SRGAP1: variants seen among roughly 807,000 people sequenced by gnomAD.
SRGAP1 encodes SLIT-ROBO Rho GTPase activating protein 1.
Under a neutral mutation model 121.9 loss-of-function variants are expected in SRGAP1, and 43 were observed. That is an observed-to-expected ratio of 0.35 (90% CI 0.28 to 0.46). The LOEUF is 0.46. SRGAP1 is among the 20% of genes least tolerant of loss of function. The probability of loss-of-function intolerance (pLI) is 1.00; values close to 1 mark genes in which losing one functional copy is unlikely to be tolerated. For missense variants in SRGAP1, 1,102 were observed against 1,350.9 expected, an observed-to-expected ratio of 0.82 and a Z score of 2.89; for synonymous variants, 447 against 485.4, an observed-to-expected ratio of 0.92 and a Z score of 1.04.
At chr12:63,874,888 C>T (rs751972961) in intron 1 of SRGAP1, among the ~76,000 whole-genome samples, 5 of 151,748 alleles carry the variant, frequency 3.3e-5, no homozygotes, top group Non-Finnish European at 7.4e-5. Flanking sequence ...TAATGTTTGT[C>T]CTCTATCCTC....
intron 1 of SRGAP1, among the ~76,000 whole-genome samples, chr12:63,950,421 GC>G: frequency 6.6e-6 from 1 of 152,218 alleles, no homozygotes; most frequent in South Asian, 2.1e-4. Flanking sequence ...AATACCACAA[GC>G]TTTTTGTGCT....
intron 1 of SRGAP1, among the ~76,000 whole-genome samples, chr12:63,855,711 A>T (rs1367792673): frequency 6.7e-6 from 1 of 149,274 alleles, no homozygotes. Context: ...CTGGTCTTGA[A>T]CTCCTGGGCT....
In SRGAP1 at chr12:64,095,108, T is replaced by C. The variant is rs769515828; in HGVS notation, c.1601-19T>C. ...AATGTGATGGGGGTTTTATCCTCTT[T>C]CCCTTCTTTTCTCTTTAGGTCTTCA... On this transcript the variant is annotated intron_variant, in intron 13 of 21. Coordinates refer to ENST00000355086, the MANE Select transcript of SRGAP1 (RefSeq NM_020762.4). 3 of 1,613,608 alleles carry C rather than the reference T, an allele frequency of 1.9e-6. No homozygotes were observed. Among genetic ancestry groups the C allele is most frequent in the South Asian group, 2.2e-5 (2 of 91,058 alleles).
chr12:63,889,578 A>T (rs1048064158), intron 1 of SRGAP1, among the ~76,000 whole-genome samples: 2 of 152,154 alleles, frequency 1.3e-5, no homozygotes, highest in African/African-American at 4.8e-5. Context: ...AATAGAGTTG[A>T]TGCTACAGAG....
Position 64,042,886 on chromosome 12 carries a change from T to G in SRGAP1, c.586T>G (p.Ser196Ala), listed in dbSNP as rs2035052473. ...EKQEEKQIGRSGDPVFHIRLE... is the reference protein window; with the variant it reads ...EKQEEKQIGRAGDPVFHIRLE... ...ACAAGAGGAAAAGCAAATTGGGAGATCTGGTGATCCAGTCTTCCATATTCG... is the reference window on the plus strand; with the variant it reads ...ACAAGAGGAAAAGCAAATTGGGAGAGCTGGTGATCCAGTCTTCCATATTCG... The change falls in exon 5 of 22, where the codon TCT becomes GCT. Residue 196 changes from serine to alanine, a missense_variant. This residue lies in a region of SRGAP1 where 747 missense variants were observed against 929.4 expected (regional missense o/e 0.80). Coordinates refer to ENST00000355086, the MANE Select transcript of SRGAP1 (RefSeq NM_020762.4). The G allele has an allele frequency of 4.3e-6, 7 of 1,613,546 alleles. No homozygotes were observed. Among genetic ancestry groups the G allele is most frequent in the Non-Finnish European group, 5.9e-6 (7 of 1,179,628 alleles).
chr12:64,051,642 G>A (rs2035241280), intron 6 of SRGAP1, among the ~76,000 whole-genome samples: 3 of 152,124 alleles, frequency 2.0e-5, no homozygotes, highest in Admixed American at 1.3e-4. Context: ...AGACAAGTTT[G>A]TCTTTTCTAT....
At chr12:63,940,869 T>C (rs2031841188) in intron 1 of SRGAP1, among the ~76,000 whole-genome samples, 2 of 152,160 alleles carry the variant, frequency 1.3e-5, no homozygotes, top group South Asian at 2.1e-4. Flanking sequence ...ATCATCGGCA[T>C]ATGGACAGTG....
chr12:63,957,681 A>G (rs1428600126), intron 1 of SRGAP1, among the ~76,000 whole-genome samples: 2 of 152,140 alleles, frequency 1.3e-5, no homozygotes, highest in Admixed American at 6.5e-5. Context: ...GAGAGAGCAT[A>G]TGGGTGTGAG....
rs1329239947 is a variant in SRGAP1 at position 64,150,954 on chromosome 12, A to C, written c.*8282A>C. 1 of 147,514 alleles carries C rather than the reference A, an allele frequency of 6.8e-6. No individual in the cohort carries two copies. The highest frequency in any genetic ancestry group is 1.5e-5 in the Non-Finnish European group (1 of 66,900). The allele number at this position is 147,514 out of a possible 1,614,324, so 9.1% of individuals were successfully genotyped here. A position where few individuals can be genotyped will look rare whatever the true frequency, so the allele number is the denominator to read the frequency against. ...TATCTCAAAAAAAAAAAAAAAAAAA[A>C]AAAAAACATGGTCAAGATTTGTAAT... On this transcript the variant is annotated 3_prime_UTR_variant, in exon 22 of 22. Coordinates refer to ENST00000355086, the MANE Select transcript of SRGAP1 (RefSeq NM_020762.4).
At chr12:63,970,569 A>G (rs139911560) in intron 1 of SRGAP1, among the ~76,000 whole-genome samples, 11 of 152,296 alleles carry the variant, frequency 7.2e-5, no homozygotes, top group African/African-American at 2.6e-4. Flanking sequence ...TGAATAGACC[A>G]TAAAACAAAT....
At chr12:63,916,032 CTTTT>C (rs140042368) in intron 1 of SRGAP1, among the ~76,000 whole-genome samples, 38 of 125,174 alleles carry the variant, frequency 3.0e-4, no homozygotes, top group Admixed American at 3.6e-4. Flanking sequence ...CTTTTCTTTT[CTTTT>C]TTTTTTTTTT....
chr12:63,968,044 A>G (rs1326737476), intron 1 of SRGAP1, among the ~76,000 whole-genome samples: 2 of 152,202 alleles, frequency 1.3e-5, no homozygotes, highest in Non-Finnish European at 2.9e-5. Context: ...TTACAAATAC[A>G]TTTACTTAAG....
At chr12:64,131,761 G>C (rs2036788113) in intron 21 of SRGAP1, among the ~76,000 whole-genome samples, 1 of 152,306 alleles carries the variant, frequency 6.6e-6, no homozygotes. Context: ...TTTATGGCTA[G>C]ATGTGTCAGA....
rs770727289 is a variant in SRGAP1, at chr12:64,152,176, TC to T, written c.*9506del. On this transcript the variant is annotated 3_prime_UTR_variant, in exon 22 of 22. Coordinates refer to ENST00000355086, the MANE Select transcript of SRGAP1 (RefSeq NM_020762.4). ...AGCCAACATGTATTGAGTACCAGAC[TC>T]CATGCTACAAATGTTAACCCTCATA... 5.3e-5 allele frequency: 8 copies of T among 152,216 alleles called. No homozygotes were observed. The highest frequency in any genetic ancestry group is 2.9e-5 in the Non-Finnish European group (2 of 68,052). 9.4% of individuals were successfully genotyped at this position (152,216 alleles called of 1,614,324 possible).
intron 4 of SRGAP1, among the ~76,000 whole-genome samples, chr12:64,033,105 T>A (rs1019560739): frequency 6.6e-6 from 1 of 152,144 alleles, no homozygotes; most frequent in African/African-American, 2.4e-5. Flanking sequence ...ATTTCTGTGA[T>A]GTTTCTTAGC....
chr12:63,962,954 G>A (rs1334056171), intron 1 of SRGAP1, among the ~76,000 whole-genome samples: 1 of 152,044 alleles, frequency 6.6e-6, no homozygotes, highest in African/African-American at 2.4e-5. Flanking sequence ...ATTTTTGTAT[G>A]TTGAGTTAAA....
chr12:64,042,817 G>T lies in SRGAP1; in HGVS notation c.517G>T (p.Ala173Ser). The T allele has an allele frequency of 1.2e-6, 2 of 1,613,770 alleles. No individual in the cohort carries two copies. Among genetic ancestry groups the T allele is most frequent in the Non-Finnish European group, 1.7e-6 (2 of 1,179,868 alleles). The change falls in exon 5 of 22, where the codon GCA becomes TCA. Residue 173 changes from alanine to serine, a missense_variant. Ala to Ser is a moderately conservative substitution (Grantham distance 99). Transcript: ENST00000355086. ...TVMKTYHMYH[A>S]ESISAESKLK... ...GATGAAAACATACCATATGTATCAT[G>T]CAGAGAGCATCAGTGCAGAGAGCAA...
chr12:63,968,051 T>G (rs1385355323), intron 1 of SRGAP1, among the ~76,000 whole-genome samples: 1 of 152,220 alleles, frequency 6.6e-6, no homozygotes, highest in Non-Finnish European at 1.5e-5. Context: ...TACATTTACT[T>G]AAGAGCCAGG....
intron 1 of SRGAP1, among the ~76,000 whole-genome samples, chr12:63,903,879 C>T (rs763683952): frequency 6.0e-5 from 9 of 151,182 alleles, no homozygotes; most frequent in Admixed American, 3.3e-4. Flanking sequence ...GTGATCTGCC[C>T]GCCTCGGCCT....
Sources: allele counts gnomAD v4.1 joint callset (sites outside exome capture counted in the v4.1 genomes callset), GRCh38; gene constraint gnomAD v4.1.1; regional missense constraint gnomAD v4.1.1; transcripts MANE v1.5; gene names NCBI Gene and HGNC (gene_info 2026-07-23, HGNC 2026-07-21).